The following SEMA5A variants were observed in gnomAD, a reference collection of about 807,000 sequenced individuals.
SEMA5A encodes the protein semaphorin 5A, also known as semaphorin-5A.
SEMA5A carries 55 observed loss-of-function variants against 135.5 expected under a neutral mutation model. The observed-to-expected ratio is 0.41, with a 90% CI of 0.33 to 0.51. The LOEUF (loss-of-function observed/expected upper bound fraction) is 0.51. SEMA5A is among the 20% of genes least tolerant of loss of function. SEMA5A has a pLI of 0.37. For missense variants in SEMA5A, 1,290 were observed against 1,419.9 expected (o/e 0.91, Z 1.47); for synonymous variants, 580 against 546.5 (o/e 1.06, Z -0.85).
chr5:9,330,419 T>TTTTTTG (rs955447885), intron 4 of SEMA5A, among the ~76,000 whole-genome samples: 23 of 151,332 alleles, frequency 1.5e-4, no homozygotes, highest in South Asian at 6.3e-4. Context: ...CAGATTAGTT[T>TTTTTTG]TTTTTGTTTT....
intron 2 of SEMA5A, among the ~76,000 whole-genome samples, chr5:9,431,747 G>T (rs1027860358): frequency 1.3e-5 from 2 of 152,156 alleles, no homozygotes; most frequent in African/African-American, 2.4e-5. Flanking sequence ...AATTGAGAGG[G>T]CAGTATCCTT....
At chr5:9,420,598 T>C (rs146586807) in intron 2 of SEMA5A, among the ~76,000 whole-genome samples, 3,924 of 152,296 alleles carry the variant, frequency 0.026, 58 homozygotes, top group South Asian at 0.042. Context: ...AAGCAATGAC[T>C]GGGGGCTGGG....
chr5:9,327,993 A>T (rs777349233), intron 4 of SEMA5A, among the ~76,000 whole-genome samples: 1 of 152,192 alleles, frequency 6.6e-6, no homozygotes, highest in South Asian at 2.1e-4. Context: ...AATTATCTCC[A>T]TATACAATTA....
At chr5:9,358,410 G>A (rs1754547017) in intron 3 of SEMA5A, among the ~76,000 whole-genome samples, 1 of 152,096 alleles carries the variant, frequency 6.6e-6, no homozygotes, top group African/African-American at 2.4e-5. Flanking sequence ...TCTGACTCCA[G>A]CTGGGATGAC....
At chr5:9,299,894 T>C (rs3777310) in intron 5 of SEMA5A, among the ~76,000 whole-genome samples, 21,213 of 152,182 alleles carry the variant, frequency 0.14, 1,569 homozygotes, top group South Asian at 0.19. Context: ...AGAAGAGTTT[T>C]AAGGCCCCTC....
chr5:9,349,897 A>G (rs10462867), intron 3 of SEMA5A, among the ~76,000 whole-genome samples: 12,906 of 152,004 alleles, frequency 0.085, 1,358 homozygotes, highest in African/African-American at 0.24. Context: ...GCAAGATTCC[A>G]TCTCAAAAAA....
chr5:9,202,136 C>A lies in SEMA5A; in HGVS notation c.751G>T (p.Ala251Ser), dbSNP rs1353470354. Residue 251 changes from alanine (A) to serine (S), a missense_variant, in exon 9 of 23, where the codon GCC becomes TCC. Physicochemically the swap from Ala to Ser is moderately conservative, Grantham distance 99. Coordinates refer to ENST00000382496, the MANE Select transcript of SEMA5A (RefSeq NM_003966.3). Reference protein sequence around the residue: ...DCGKTVFSRAARVCKNDIGGR... With the variant: ...DCGKTVFSRASRVCKNDIGGR... ...CCAATATCGTTCTTGCACACCCGGG[C>A]AGCTCTGGAGAACACTGTTTTCCCA... The A allele has an allele frequency of 3.1e-6, 5 of 1,614,196 alleles. No homozygotes were observed. Among genetic ancestry groups the A allele is most frequent in the Admixed American group, 3.3e-5 (2 of 60,020 alleles).
At chr5:9,526,637 T>C (rs1737140411) in intron 1 of SEMA5A, among the ~76,000 whole-genome samples, 1 of 152,182 alleles carries the variant, frequency 6.6e-6, no homozygotes, top group Non-Finnish European at 1.5e-5. Flanking sequence ...CATCAGCAAC[T>C]GAAGGTCCGG....
At chr5:9,051,747 C>T in intron 20 of SEMA5A, 126 bp downstream of exon 20, 4 of 1,175,822 alleles carry the variant, frequency 3.4e-6, no homozygotes, top group Admixed American at 2.1e-5. Context: ...ACCTTGAAAC[C>T]ATGGGGCTTG....
intron 10 of SEMA5A, among the ~76,000 whole-genome samples, chr5:9,194,162 G>A (rs750635617): frequency 6.6e-6 from 1 of 152,184 alleles, no homozygotes; most frequent in Non-Finnish European, 1.5e-5. Flanking sequence ...CTTACTGAGG[G>A]TCAGGGTCTG....
intron 2 of SEMA5A, among the ~76,000 whole-genome samples, chr5:9,405,298 C>G (rs1197507536): frequency 6.6e-6 from 1 of 152,282 alleles, no homozygotes; most frequent in African/African-American, 2.4e-5. Context: ...GACATATGTA[C>G]TCTGGAAAAA....
intron 1 of SEMA5A, among the ~76,000 whole-genome samples, chr5:9,458,050 G>A (rs1216043042): frequency 2.0e-5 from 3 of 151,878 alleles, no homozygotes; most frequent in African/African-American, 7.3e-5. Context: ...TGGGACTACA[G>A]CCACCCGCCA....
At chr5:9,426,432 TAAATAAAATAAAATA>T (rs149891161) in intron 2 of SEMA5A, among the ~76,000 whole-genome samples, 2 of 121,050 alleles carry the variant, frequency 1.7e-5, no homozygotes, top group African/African-American at 6.3e-5. Flanking sequence ...CTCAAAAAAA[TAAATAAAATAAAATA>T]AAATAAAATA....
At chr5:9,438,794 G>A (rs1758126693) in intron 1 of SEMA5A, among the ~76,000 whole-genome samples, 1 of 152,184 alleles carries the variant, frequency 6.6e-6, no homozygotes, top group South Asian at 2.1e-4. Flanking sequence ...AGAACATTCT[G>A]GCTGTCCCTC....
At chr5:9,198,334 A>G (rs953164093) in intron 9 of SEMA5A, among the ~76,000 whole-genome samples, 1 of 152,232 alleles carries the variant, frequency 6.6e-6, no homozygotes, top group Non-Finnish European at 1.5e-5. Flanking sequence ...GGAAATTCAC[A>G]GGTAAGGAAA....
chr5:9,407,921 C>A (rs1221379071), intron 2 of SEMA5A, among the ~76,000 whole-genome samples: 1 of 151,970 alleles, frequency 6.6e-6, no homozygotes. Flanking sequence ...AATACCACTA[C>A]CATGACCACC....
intron 16 of SEMA5A, among the ~76,000 whole-genome samples, chr5:9,087,139 G>A (rs1579368074): frequency 6.6e-6 from 1 of 152,140 alleles, no homozygotes; most frequent in African/African-American, 2.4e-5. Context: ...CTTGCTACCA[G>A]GTATGGGTCA....
At chr5:9,304,301 TAA>T (rs1209885649) in intron 5 of SEMA5A, among the ~76,000 whole-genome samples, 4 of 152,244 alleles carry the variant, frequency 2.6e-5, no homozygotes, top group East Asian at 3.9e-4. Context: ...ACTTTTCTCA[TAA>T]AGTCATTTTT....
rs146384703 is a variant in SEMA5A at position 9,491,388 on chromosome 5, T to C, written c.-174-53536A>G. ...CAAGAGTGAACCCTAATGTAAACTA[T>C]GAACTCTGGGTGATAATGATGTGCC... On this transcript the variant is annotated intron_variant, in intron 1 of 22. Transcript: ENST00000382496. 7.3e-3 allele frequency among the ~76,000 whole-genome samples: 1,105 copies of C among 152,230 alleles called. 5 individuals carry two copies. The highest frequency in any genetic ancestry group is 0.012 in the Non-Finnish European group (790 of 68,006).
Sources: gnomAD v4.1 joint callset for allele counts (sites outside exome capture counted in the v4.1 genomes callset) on GRCh38, gnomAD v4.1.1 for gene constraint, MANE v1.5 for transcripts, NCBI Gene and HGNC (gene_info 2026-07-23, HGNC 2026-07-21) for gene names.